The following GRIN2B variants were observed in gnomAD, a reference collection of about 807,000 sequenced individuals.
The protein encoded by GRIN2B is glutamate ionotropic receptor NMDA type subunit 2B.
In GRIN2B, 5 loss-of-function variants were observed where a neutral mutation model predicts 114.5. That is an observed-to-expected ratio of 0.04 (90% CI 0.02 to 0.09). The LOEUF is 0.09. Ranked by LOEUF, GRIN2B falls within the 10% of genes least tolerant of loss-of-function variation. The pLI is 1.00. For synonymous variants in GRIN2B, 787 were observed against 745.1 expected (o/e 1.06, Z -0.92); for missense variants, 1,108 against 1,943.5 (o/e 0.57, Z 8.08).
intron 5 of GRIN2B, among the ~76,000 whole-genome samples, chr12:13,638,666 G>T (rs988941152): frequency 2.3e-4 from 35 of 152,016 alleles, no homozygotes; most frequent in Admixed American, 4.6e-4. Flanking sequence ...TTTCAAAATG[G>T]TTCTGTCCTC....
chr12:13,753,175 T>A lies in GRIN2B; in HGVS notation c.1010+142A>T. On this transcript the variant is annotated intron_variant, in intron 4 of 13. Transcript: ENST00000609686. The surrounding 1 kb of genome is among the most constrained non-coding windows in gnomAD (Gnocchi z 6.2). Reference sequence around the variant, plus strand: ...TGGATCCAAAACACTCCCCCAATCATGACCAATTGCCATGCCCAAGGCCAG... The same window carrying A: ...TGGATCCAAAACACTCCCCCAATCAAGACCAATTGCCATGCCCAAGGCCAG... The A allele has an allele frequency of 1.3e-6, 1 of 759,326 alleles. No individual in the cohort carries two copies. Among genetic ancestry groups the A allele is most frequent in the Non-Finnish European group, 2.4e-6 (1 of 415,350 alleles). The allele number at this position is 759,326 out of a possible 1,614,324, so 47.0% of individuals were successfully genotyped here. A position where few individuals can be genotyped will look rare whatever the true frequency, so the allele number is the denominator to read the frequency against.
chr12:13,814,804 T>G (rs1028047952), intron 3 of GRIN2B, among the ~76,000 whole-genome samples: 1 of 152,202 alleles, frequency 6.6e-6, no homozygotes, highest in African/African-American at 2.4e-5. Context: ...CTAATTTAAA[T>G]TGAAATCTAA....
intron 3 of GRIN2B, among the ~76,000 whole-genome samples, chr12:13,845,141 A>C (rs1229421980): frequency 6.6e-6 from 1 of 152,140 alleles, no homozygotes; most frequent in Non-Finnish European, 1.5e-5. Flanking sequence ...GTTGGGACAC[A>C]CCAGTTTCTG....
intron 3 of GRIN2B, among the ~76,000 whole-genome samples, chr12:13,779,705 C>T (rs1864071785): frequency 6.6e-6 from 1 of 152,118 alleles, no homozygotes; most frequent in South Asian, 2.1e-4. Context: ...TTCAAGTGCT[C>T]AGTTGCTAAA....
chr12:13,818,237 T>C (rs1864866586), intron 3 of GRIN2B, among the ~76,000 whole-genome samples: 1 of 152,214 alleles, frequency 6.6e-6, no homozygotes, highest in South Asian at 2.1e-4. Context: ...CTCCCTTTAT[T>C]TTAACCAAAG....
rs115681169 is a variant in GRIN2B, at chr12:13,777,798, C to T, written c.412-23883G>A. Among the ~76,000 whole-genome samples, 1,148 of 152,328 alleles carry T rather than the reference C, an allele frequency of 7.5e-3. 19 individuals carry two copies. Among genetic ancestry groups the T allele is most frequent in the African/African-American group, 0.026 (1,077 of 41,580 alleles). ...TGCAGCTCACAAGCTACAGGTGCTCCTCCCTCTTCTTGGGCAGTCTTATTG... is the reference window on the plus strand; with the variant it reads ...TGCAGCTCACAAGCTACAGGTGCTCTTCCCTCTTCTTGGGCAGTCTTATTG... On this transcript the variant is annotated intron_variant, in intron 3 of 13. Coordinates refer to ENST00000609686, the MANE Select transcript of GRIN2B (RefSeq NM_000834.5).
intron 3 of GRIN2B, among the ~76,000 whole-genome samples, chr12:13,800,507 G>T (rs1591739057): frequency 6.6e-6 from 1 of 152,122 alleles, no homozygotes. Context: ...TTTTCTGCAT[G>T]CACAAATTTA....
chr12:13,726,404 G>A (rs760817438), intron 4 of GRIN2B, among the ~76,000 whole-genome samples: 18 of 151,596 alleles, frequency 1.2e-4, no homozygotes, highest in African/African-American at 2.9e-4. Flanking sequence ...GCATGGTGGC[G>A]GCCACCTGTA....
At chr12:13,746,801 T>G (rs1451545005) in intron 4 of GRIN2B, among the ~76,000 whole-genome samples, 1 of 152,156 alleles carries the variant, frequency 6.6e-6, no homozygotes, top group African/African-American at 2.4e-5. Context: ...ATGTGAGAGC[T>G]GGTTATTTGA....
chr12:13,822,584 C>G (rs1330172876), intron 3 of GRIN2B, among the ~76,000 whole-genome samples: 1 of 152,056 alleles, frequency 6.6e-6, no homozygotes, highest in African/African-American at 2.4e-5. Flanking sequence ...TGAGAAGATT[C>G]TACATGCCAA....
intron 4 of GRIN2B, among the ~76,000 whole-genome samples, chr12:13,751,954 C>A (rs1051794444): frequency 6.6e-6 from 1 of 152,116 alleles, no homozygotes; most frequent in South Asian, 2.1e-4. Flanking sequence ...AAAACCAAGA[C>A]AATCTGTGCC....
At chr12:13,647,617 G>C (rs915077026) in intron 5 of GRIN2B, among the ~76,000 whole-genome samples, 1 of 152,066 alleles carries the variant, frequency 6.6e-6, no homozygotes, top group Non-Finnish European at 1.5e-5. Context: ...AAGGAATGCT[G>C]CCCACCTCTT....
chr12:13,936,335 G>A (rs1045527658), intron 2 of GRIN2B, among the ~76,000 whole-genome samples: 1 of 152,188 alleles, frequency 6.6e-6, no homozygotes, highest in African/African-American at 2.4e-5. Flanking sequence ...ATCAATCTGA[G>A]ATTCCAGAAA....
intron 4 of GRIN2B, among the ~76,000 whole-genome samples, chr12:13,691,722 A>G (rs995296266): frequency 3.9e-5 from 6 of 152,208 alleles, no homozygotes; most frequent in African/African-American, 1.4e-4. Context: ...GAACAAGCAC[A>G]CACTAGAGAG....
chr12:13,812,547 A>C lies in GRIN2B; in HGVS notation c.411+53251T>G, dbSNP rs373045163. 8.7e-4 allele frequency among the ~76,000 whole-genome samples: 133 copies of C among 152,312 alleles called. 4 individuals are homozygous for C. The South Asian group carries it at 0.027, about 31-fold the overall frequency. ...TTTTCCATGAGCAAAATTCTGCTAC[A>C]CTACTTTGCATTCACTAAAGAAATA... On this transcript the variant is annotated intron_variant, in intron 3 of 13. Transcript: ENST00000609686.
At chr12:13,941,968 C>A (rs920253714) in intron 2 of GRIN2B, among the ~76,000 whole-genome samples, 1 of 152,176 alleles carries the variant, frequency 6.6e-6, no homozygotes, top group East Asian at 1.9e-4. Flanking sequence ...AGGTCAAAGT[C>A]GGTACAAATG....
chr12:13,797,356 A>C (rs1333138313), intron 3 of GRIN2B, among the ~76,000 whole-genome samples: 2 of 152,224 alleles, frequency 1.3e-5, no homozygotes, highest in Non-Finnish European at 1.5e-5. Flanking sequence ...TAGGATTTCA[A>C]CATATGAATT....
chr12:13,943,596 T>C (rs1488942440), intron 2 of GRIN2B, among the ~76,000 whole-genome samples: 1 of 152,190 alleles, frequency 6.6e-6, no homozygotes, highest in East Asian at 1.9e-4. Context: ...CTCCTTGTTT[T>C]TCTTTAACAA....
At chr12:13,766,684 T>G (rs1863796278) in intron 3 of GRIN2B, among the ~76,000 whole-genome samples, 1 of 152,256 alleles carries the variant, frequency 6.6e-6, no homozygotes, top group Non-Finnish European at 1.5e-5. Flanking sequence ...TTGTCCTTTA[T>G]GAAGTCAGGC....
Sources: allele counts gnomAD v4.1 joint callset (sites outside exome capture counted in the v4.1 genomes callset), GRCh38; gene constraint gnomAD v4.1.1; non-coding constraint Gnocchi (gnomAD v3.1); transcripts MANE v1.5; gene names NCBI Gene and HGNC (gene_info 2026-07-23, HGNC 2026-07-21).